The following HECTD4 variants were observed in gnomAD, a reference collection of about 807,000 sequenced individuals.
The protein encoded by HECTD4 is probable E3 ubiquitin-protein ligase HECTD4.
HECTD4 carries 114 observed loss-of-function variants against 471.5 expected under a neutral mutation model. The observed-to-expected ratio is 0.24, with a 90% CI of 0.21 to 0.28. The LOEUF (loss-of-function observed/expected upper bound fraction) is 0.28, where lower values mean the gene tolerates loss of function less well. HECTD4 is among the 10% of genes least tolerant of loss of function. The pLI, the probability that HECTD4 is intolerant of heterozygous loss-of-function variation, is 1.00. For synonymous variants in HECTD4, 2,012 were observed against 2,256.0 expected (o/e 0.89, Z 3.07); for missense variants, 3,866 against 5,651.5 (o/e 0.68, Z 10.13).
rs59590181 is a variant in HECTD4 at position 112,367,820 on chromosome 12, C to CAAAA, written c.177+14128_177+14131dup. Reference sequence around the variant, plus strand: ...TGGGCAACAGAGGGAGACTCCATCTCAAAAAAAAAAAAAAAAAAAAAAAAA... The same window carrying CAAAA: ...TGGGCAACAGAGGGAGACTCCATCTCAAAAAAAAAAAAAAAAAAAAAAAAAAAAA... On this transcript the variant is annotated intron_variant, in intron 1 of 75. Coordinates refer to ENST00000682272, the MANE Select transcript of HECTD4 (RefSeq NM_001388303.1). Among the ~76,000 whole-genome samples, 37 of 12,572 alleles carry CAAAA rather than the reference C, an allele frequency of 2.9e-3. 9 individuals carry two copies. Among genetic ancestry groups the CAAAA allele is most frequent in the East Asian group, 0.023 (15 of 642 alleles). The allele number at this position is 12,572 out of a possible 152,430, so 8.2% of individuals were successfully genotyped here.
At chr12:112,230,476 G>T (rs920843802) in intron 40 of HECTD4, among the ~76,000 whole-genome samples, 1 of 152,152 alleles carries the variant, frequency 6.6e-6, no homozygotes, top group Non-Finnish European at 1.5e-5. Context: ...CTGTCCTATC[G>T]TCTGCAAAAT....
At chr12:112,218,768 T>C (rs1386746614) in intron 45 of HECTD4, among the ~76,000 whole-genome samples, 1 of 152,148 alleles carries the variant, frequency 6.6e-6, no homozygotes, top group Non-Finnish European at 1.5e-5. Context: ...AGAGTCTTGC[T>C]CTGTCACCCA....
chr12:112,380,762 G>A (rs553927000), intron 1 of HECTD4, among the ~76,000 whole-genome samples: 76 of 152,208 alleles, frequency 5.0e-4, no homozygotes, highest in Middle Eastern at 3.4e-3. Flanking sequence ...AAATACAGTG[G>A]AACGTATTCG....
At position 112,166,200 on chromosome 12, in the gene HECTD4, G is replaced by A. The variant is rs971342653; in HGVS notation, c.12534+1117C>T. Reference sequence around the variant, plus strand: ...ACGCATAAACCCCCAGCCCACTGTGGGTGTTCTTCCACCCTTTAGACAATG... The same window carrying A: ...ACGCATAAACCCCCAGCCCACTGTGAGTGTTCTTCCACCCTTTAGACAATG... On this transcript the variant is annotated intron_variant, in intron 72 of 75. Transcript: ENST00000682272. The surrounding 1 kb of genome is among the most constrained non-coding windows in gnomAD (Gnocchi z 4.6). 1 of 152,262 alleles carries A rather than the reference G, an allele frequency of 6.6e-6. No individual in the cohort carries two copies. Among genetic ancestry groups the A allele is most frequent in the Non-Finnish European group, 1.5e-5 (1 of 68,092 alleles). 9.4% of individuals were successfully genotyped at this position (152,262 alleles called of 1,614,324 possible). A position where few individuals can be genotyped will look rare whatever the true frequency, so the allele number is the denominator to read the frequency against.
At chr12:112,358,677 G>A (rs1168680959) in intron 1 of HECTD4, among the ~76,000 whole-genome samples, 2 of 151,992 alleles carry the variant, frequency 1.3e-5, no homozygotes, top group Admixed American at 6.6e-5. Context: ...CATAATTGAC[G>A]ACACCAAAAA....
rs1159688842 is a variant in HECTD4 at position 112,381,668 on chromosome 12, C to T, written c.177+284G>A. On this transcript the variant is annotated intron_variant, in intron 1 of 75. Coordinates refer to ENST00000682272, the MANE Select transcript of HECTD4 (RefSeq NM_001388303.1). This position sits in a 1 kb window ranked among gnomAD's most constrained non-coding sequence, Gnocchi z 4.1. ...CTCCTCTGGGGCATGAAGGCCGAGC[C>T]AGGCGCTAGCCTAATAAAATGCCGG... 6.6e-6 allele frequency among the ~76,000 whole-genome samples: 1 copy of T among 152,164 alleles called. No homozygotes were observed. Among genetic ancestry groups the T allele is most frequent in the Non-Finnish European group, 1.5e-5 (1 of 68,010 alleles).
intron 4 of HECTD4, among the ~76,000 whole-genome samples, chr12:112,310,568 G>A (rs1052474400): frequency 2.0e-5 from 3 of 152,094 alleles, no homozygotes; most frequent in Non-Finnish European, 2.9e-5. Context: ...TCCACCTGAA[G>A]CATGCCATAT....
At chr12:112,238,201 G>A (rs967833857) in intron 34 of HECTD4, among the ~76,000 whole-genome samples, 1 of 152,076 alleles carries the variant, frequency 6.6e-6, no homozygotes, top group Non-Finnish European at 1.5e-5. Flanking sequence ...AATCTTATTG[G>A]GAAATTTATC....
At chr12:112,246,805 T>C (rs974328241) in intron 29 of HECTD4, 96 bp downstream of exon 29, 1 of 1,119,904 alleles carries the variant, frequency 8.9e-7, no homozygotes, top group Non-Finnish European at 1.2e-6. Flanking sequence ...TACCCAAGAG[T>C]GAATTTTTCA....
At chr12:112,215,661 A>T (rs1259384534) in intron 48 of HECTD4, among the ~76,000 whole-genome samples, 2 of 152,014 alleles carry the variant, frequency 1.3e-5, no homozygotes, top group African/African-American at 2.4e-5. Flanking sequence ...GTTTTTTGAG[A>T]TAGGGTCTCA....
chr12:112,184,225 G>C lies in HECTD4; in HGVS notation c.10741C>G (p.Leu3581Val). The change falls in exon 61 of 76, where the codon CTC (leucine) becomes GTC (valine). Residue 3581 changes from leucine to valine, a missense_variant. Transcript: ENST00000682272. This position sits in a 1 kb window ranked among gnomAD's most constrained non-coding sequence, Gnocchi z 9.1. ...AAGCCTTTGATGGGGCGGGCGGCGA[G>C]GGGCTGGTTGTCCAGGGAAGTGACT... ...YTVTSLDNQPLAARPIKGFAV... is the reference protein window; with the variant it reads ...YTVTSLDNQPVAARPIKGFAV... 1 of 1,613,108 alleles carries C rather than the reference G, an allele frequency of 6.2e-7. No individual in the cohort carries two copies. Among genetic ancestry groups the C allele is most frequent in the Non-Finnish European group, 8.5e-7 (1 of 1,179,642 alleles).
intron 70 of HECTD4, among the ~76,000 whole-genome samples, chr12:112,168,475 T>C (rs1484330805): frequency 6.6e-6 from 1 of 152,176 alleles, no homozygotes; most frequent in African/African-American, 2.4e-5. Context: ...CCTTTGGTTT[T>C]GTTGTAAATC....
In HECTD4 at chr12:112,208,484, G is replaced by C; in HGVS notation, c.8004+10C>G. The stretch of plus-strand genomic sequence containing the variant: ...TGCTGAGTCCTGATCTAAGCCTGTG[G>C]GTCTCTTACCTGAGGGATGTCATCA... On this transcript the variant is annotated intron_variant, in intron 51 of 75. Transcript: ENST00000682272. 1 of 1,572,258 alleles carries C rather than the reference G, an allele frequency of 6.4e-7. No individual in the cohort carries two copies. The highest frequency in any genetic ancestry group is 8.6e-7 in the Non-Finnish European group (1 of 1,162,440).
Position 112,185,420 on chromosome 12 carries a change from C to A in HECTD4, c.9546G>T (p.Leu3182=). 1 of 1,594,516 alleles carries A rather than the reference C, an allele frequency of 6.3e-7. No homozygotes were observed. The highest frequency in any genetic ancestry group is 1.8e-5 in the Admixed American group (1 of 56,858). The part of the protein sequence containing the change: ...ELVFHLLAEL[L]RTVHTLEQRR... The stretch of plus-strand genomic sequence containing the variant: ...TCTGCTCCAGGGTGTGCACCGTGCG[C>A]AGGAGCTCTGCCAGGAGATGGAAAA... The change falls in exon 61 of 76, where the codon CTG becomes CTT. Residue 3182 remains leucine (L), a synonymous_variant. Coordinates refer to ENST00000682272, the MANE Select transcript of HECTD4 (RefSeq NM_001388303.1).
At chr12:112,292,287 T>C (rs1388854414) in intron 7 of HECTD4, among the ~76,000 whole-genome samples, 3 of 152,218 alleles carry the variant, frequency 2.0e-5, no homozygotes, top group Non-Finnish European at 4.4e-5. Context: ...GCCAGATCTT[T>C]ACATGTCTCA....
In HECTD4 at chr12:112,192,176, G is replaced by A. The variant is rs1263162298; in HGVS notation, c.9292+384C>T. Among the ~76,000 whole-genome samples, 4 of 152,332 alleles carry A rather than the reference G, an allele frequency of 2.6e-5. No homozygotes were observed. The East Asian group carries it at 7.7e-4, about 29-fold the overall frequency. On this transcript the variant is annotated intron_variant, in intron 59 of 75. Coordinates refer to ENST00000682272, the MANE Select transcript of HECTD4 (RefSeq NM_001388303.1). ...GACTCTCACAGTGGCCAGTGCCCTG[G>A]GGAGCCATGTTGAGAATTTGGTTAA...
At chr12:112,338,049 T>C (rs1158961758) in intron 1 of HECTD4, among the ~76,000 whole-genome samples, 2 of 152,238 alleles carry the variant, frequency 1.3e-5, no homozygotes, top group Non-Finnish European at 2.9e-5. Context: ...TTCTGGAGGC[T>C]AGAAGTCTGA....
intron 55 of HECTD4, among the ~76,000 whole-genome samples, chr12:112,198,077 C>T (rs569742633): frequency 3.3e-5 from 5 of 152,206 alleles, no homozygotes; most frequent in South Asian, 2.1e-4. Context: ...TCAAGTGAAC[C>T]GCCCACCTCG....
intron 55 of HECTD4, among the ~76,000 whole-genome samples, chr12:112,199,407 G>A (rs970895701): frequency 3.3e-5 from 5 of 152,162 alleles, no homozygotes; most frequent in Admixed American, 1.3e-4. Flanking sequence ...AGGTCTTGCC[G>A]TCTAGATAGA....
Sources: gnomAD v4.1 joint callset for allele counts (sites outside exome capture counted in the v4.1 genomes callset) on GRCh38, gnomAD v4.1.1 for gene constraint, Gnocchi (gnomAD v3.1) non-coding constraint, MANE v1.5 for transcripts, NCBI Gene and HGNC (gene_info 2026-07-23, HGNC 2026-07-21) for gene names.